TCF4: variants seen among roughly 807,000 people sequenced by gnomAD.
TCF4 encodes the protein transcription factor 4, also known as SL3-3 enhancer factor 2.
TCF4 carries 3 observed loss-of-function variants against 82.1 expected under a neutral mutation model. The ratio of observed to expected loss-of-function variants is 0.04; its 90% CI spans 0.02 to 0.09. TCF4 has a LOEUF of 0.09. Ranked by LOEUF, TCF4 falls within the 10% of genes least tolerant of loss-of-function variation. TCF4 has a pLI of 1.00. For synonymous variants in TCF4, 276 were observed against 309.6 expected (o/e 0.89, Z 1.14); for missense variants, 518 against 852.7 (o/e 0.61, Z 4.89).
At chr18:55,414,928 A>C (rs924790773) in intron 5 of TCF4, among the ~76,000 whole-genome samples, 1 of 152,254 alleles carries the variant, frequency 6.6e-6, no homozygotes, top group Non-Finnish European at 1.5e-5. Context: ...ATTATGATGT[A>C]AATATACTCA....
At chr18:55,306,691 T>G (rs1345471973) in intron 8 of TCF4, among the ~76,000 whole-genome samples, 2 of 152,232 alleles carry the variant, frequency 1.3e-5, no homozygotes, top group Non-Finnish European at 2.9e-5. Flanking sequence ...TATTTGTTAC[T>G]TTGCTAGTGA....
At chr18:55,535,117 T>C (rs1381144548) in intron 3 of TCF4, among the ~76,000 whole-genome samples, 1 of 152,232 alleles carries the variant, frequency 6.6e-6, no homozygotes, top group Non-Finnish European at 1.5e-5. Flanking sequence ...AGAATTATAA[T>C]CTGCATTAAG....
intron 3 of TCF4, among the ~76,000 whole-genome samples, chr18:55,491,228 G>A (rs2096572709): frequency 6.6e-6 from 1 of 152,054 alleles, no homozygotes. Context: ...GAAAAAGTTG[G>A]AGAGACATTA....
At chr18:55,398,321 T>C (rs548155906) in intron 6 of TCF4, among the ~76,000 whole-genome samples, 12 of 152,198 alleles carry the variant, frequency 7.9e-5, no homozygotes, top group Non-Finnish European at 1.8e-4. Context: ...CCCTGTGATG[T>C]CTGAAACTGT....
intron 1 of TCF4, chr18:55,631,503 C>A: frequency 1.9e-6 from 2 of 1,063,124 alleles, no homozygotes; most frequent in Non-Finnish European, 2.6e-6. Context: ...AGGGTAATGC[C>A]CTACAGGGAT....
chr18:55,603,022 A>G (rs527382589), intron 2 of TCF4, among the ~76,000 whole-genome samples: 5 of 152,322 alleles, frequency 3.3e-5, no homozygotes, highest in Non-Finnish European at 7.4e-5. Flanking sequence ...AAAGCTTTAC[A>G]GTTGGGGGAC....
At chr18:55,505,080 AT>A (rs968273791) in intron 3 of TCF4, among the ~76,000 whole-genome samples, 2 of 152,134 alleles carry the variant, frequency 1.3e-5, no homozygotes, top group Non-Finnish European at 2.9e-5. Context: ...GGTTATTGGC[AT>A]TTTTTTCCAC....
intron 8 of TCF4, among the ~76,000 whole-genome samples, chr18:55,305,732 C>G (rs1451297392): frequency 1.3e-5 from 2 of 152,108 alleles, no homozygotes; most frequent in African/African-American, 4.8e-5. Flanking sequence ...GTTTTCAGCT[C>G]CCCTAATTCT....
At chr18:55,373,211 T>A (rs574967804) in intron 6 of TCF4, among the ~76,000 whole-genome samples, 2 of 151,420 alleles carry the variant, frequency 1.3e-5, no homozygotes, top group African/African-American at 4.8e-5. Context: ...AAATATGTAA[T>A]ATAAAATCTA....
chr18:55,451,966 A>T (rs1468496933), intron 5 of TCF4, among the ~76,000 whole-genome samples: 1 of 152,192 alleles, frequency 6.6e-6, no homozygotes, highest in Non-Finnish European at 1.5e-5. Context: ...TAATCATGTC[A>T]CTGTACTCCA....
chr18:55,231,902 C>T (rs1392694645), intron 17 of TCF4: 3 of 152,484 alleles, frequency 2.0e-5, no homozygotes, highest in Admixed American at 6.5e-5. Context: ...TATTCAAAAA[C>T]CATCTGATTA....
rs549966099 is a variant in TCF4 at position 55,620,706 on chromosome 18, C to A, written c.286+10592G>T. ...TATTAGGCTGGGCAATCATAGGACT[C>A]CCCTTGCTTGTTTCTTATCTTTTAA... On this transcript the variant is annotated intron_variant, in intron 2 of 20. Transcript: ENST00000398339. Among the ~76,000 whole-genome samples, 75 of 152,260 alleles carry A rather than the reference C, an allele frequency of 4.9e-4. 1 individual carries two copies. The highest frequency in any genetic ancestry group is 1.7e-3 in the African/African-American group (71 of 41,538).
intron 2 of TCF4, among the ~76,000 whole-genome samples, chr18:55,621,907 C>T (rs28549271): frequency 1.1e-5 from 1 of 92,244 alleles, no homozygotes; most frequent in South Asian, 3.3e-4. Context: ...TATATATACA[C>T]TATATATTAT....
chr18:55,400,605 G>A (rs1460466026), intron 6 of TCF4, among the ~76,000 whole-genome samples: 2 of 152,034 alleles, frequency 1.3e-5, no homozygotes, highest in Admixed American at 1.3e-4. Context: ...TCATTCTTCT[G>A]CTAAAATATA....
chr18:55,237,955 C>T (rs192669313), intron 15 of TCF4, among the ~76,000 whole-genome samples: 16 of 152,350 alleles, frequency 1.1e-4, no homozygotes, highest in African/African-American at 3.4e-4. Flanking sequence ...GATGGAGAAA[C>T]TCACACTGTT....
At chr18:55,488,898 G>A (rs2096546267) in intron 3 of TCF4, among the ~76,000 whole-genome samples, 1 of 152,120 alleles carries the variant, frequency 6.6e-6, no homozygotes, top group South Asian at 2.1e-4. Flanking sequence ...CTATTTTGAC[G>A]ATTGTGTGTA....
rs3760600 is a variant in TCF4 at position 55,464,257 on chromosome 18, C to G, written c.146-120G>C. 2.5e-5 allele frequency: 21 copies of G among 851,902 alleles called. No individual in the cohort carries two copies. The Admixed American group carries it at 3.9e-4, about 16-fold the overall frequency. The allele number at this position is 851,902 out of a possible 1,614,324, so 52.8% of individuals were successfully genotyped here. Reference sequence around the variant, plus strand: ...TTGCCTTTAATTAAGAACCAGGCACCGGGCTACCATGATGATAGTGGCTTC... The same window carrying G: ...TTGCCTTTAATTAAGAACCAGGCACGGGGCTACCATGATGATAGTGGCTTC... On this transcript the variant is annotated intron_variant, in intron 3 of 19. Coordinates refer to ENST00000354452, the MANE Select transcript of TCF4 (RefSeq NM_001083962.2).
upstream of TCF4, chr18:55,591,206 A>G (rs1319047386): frequency 6.6e-6 from 1 of 152,206 alleles, no homozygotes; most frequent in Non-Finnish European, 1.5e-5. Context: ...TTCCATCCCC[A>G]TTCGGTGTTC....
chr18:55,623,757 T>C (rs1341046455), intron 2 of TCF4, among the ~76,000 whole-genome samples: 2 of 152,136 alleles, frequency 1.3e-5, no homozygotes, highest in Admixed American at 1.3e-4. Flanking sequence ...TGAGTCCCAT[T>C]AGTGTGAATT....
Sources: gnomAD v4.1 joint callset for allele counts (sites outside exome capture counted in the v4.1 genomes callset) on GRCh38, gnomAD v4.1.1 for gene constraint, MANE v1.5 for transcripts, NCBI Gene and HGNC (gene_info 2026-07-23, HGNC 2026-07-21) for gene names.